Variants in HAS2 observed in about 807,000 individuals in gnomAD.
The protein encoded by HAS2 is HA synthase 2.
HAS2 carries 16 observed loss-of-function variants against 51.6 expected under a neutral mutation model. The ratio of observed to expected loss-of-function variants is 0.31; its 90% CI spans 0.21 to 0.47. The LOEUF (loss-of-function observed/expected upper bound fraction) is 0.47. Among genes scored for constraint, HAS2 ranks in the 20% least tolerant of loss-of-function variants. HAS2 has a pLI of 1.00. For missense variants in HAS2, 361 were observed against 662.6 expected, an observed-to-expected ratio of 0.54 and a Z score of 5.00; for synonymous variants, 228 against 235.5, an observed-to-expected ratio of 0.97 and a Z score of 0.29.
chr8:121,633,332 A>C (rs1349097635), intron 1 of HAS2, among the ~76,000 whole-genome samples: 1 of 152,086 alleles, frequency 6.6e-6, no homozygotes, highest in African/African-American at 2.4e-5. Flanking sequence ...TTTAGTAGAG[A>C]TGGGTTTCAC....
intron 2 of HAS2, among the ~76,000 whole-genome samples, chr8:121,626,433 A>C (rs922222312): frequency 2.6e-5 from 4 of 152,198 alleles, no homozygotes; most frequent in African/African-American, 9.7e-5. Flanking sequence ...CTCTCTCCAC[A>C]GTTAAGCAGA....
chr8:121,617,138 A>T lies in HAS2; in HGVS notation c.696T>A (p.Asp232Glu). 1 of 1,610,972 alleles carries T rather than the reference A, an allele frequency of 6.2e-7. No individual in the cohort carries two copies. Among genetic ancestry groups the T allele is most frequent in the Non-Finnish European group, 8.5e-7 (1 of 1,177,198 alleles). ...CTCCCCCAACACCTCCAACCATGGG[A>T]TCTTCTTCTAAAACTTTTACCATCT... ...SVEMVKVLEE[D>E]PMVGGVGGDV... Residue 232 changes from aspartate to glutamate, a missense_variant, in exon 3 of 4, where the codon GAT becomes GAA. By Grantham distance (45) the Asp-to-Glu change is conservative (BLOSUM62 2). This residue lies in a region of HAS2 where 49 missense variants were observed against 108.3 expected (regional missense o/e 0.45). Coordinates refer to ENST00000303924, the MANE Select transcript of HAS2 (RefSeq NM_005328.3).
intron 2 of HAS2, among the ~76,000 whole-genome samples, chr8:121,620,686 A>G (rs1812763052): frequency 6.6e-6 from 1 of 152,170 alleles, no homozygotes; most frequent in Non-Finnish European, 1.5e-5. Flanking sequence ...TAAATTGCAT[A>G]AGACCATCAC....
In HAS2 at chr8:121,614,132, A is replaced by G; in HGVS notation, c.1636T>C (p.Tyr546His). 7 of 1,614,036 alleles carry G rather than the reference A, an allele frequency of 4.3e-6. No homozygotes were observed. The highest frequency in any genetic ancestry group is 5.9e-6 in the Non-Finnish European group (7 of 1,179,912). ...KCGRRKKGQQ[Y>H]DMVLDV is the part of the protein sequence containing the mutation. ...GATCATACATCAAGCACCATGTCAT[A>G]TTGTTGTCCCTTCTTCCGCCTGCCA... The change falls in exon 4 of 4, where the codon TAT becomes CAT. Residue 546 changes from tyrosine to histidine, a missense_variant. By Grantham distance (83) the Tyr-to-His change is moderately conservative. Coordinates refer to ENST00000303924, the MANE Select transcript of HAS2 (RefSeq NM_005328.3). This position sits in a 1 kb window ranked among gnomAD's most constrained non-coding sequence, Gnocchi z 7.2.
At chr8:121,634,651 G>A (rs1340811940) in intron 1 of HAS2, among the ~76,000 whole-genome samples, 1 of 151,862 alleles carries the variant, frequency 6.6e-6, no homozygotes. Context: ...GGCAGTCAAT[G>A]TAGACTTACA....
intron 3 of HAS2, 105 bp downstream of exon 3, chr8:121,617,000 C>T (rs1161992069): frequency 1.5e-6 from 1 of 687,640 alleles, no homozygotes; most frequent in Non-Finnish European, 2.6e-6. Context: ...CAACACCTGG[C>T]ACAGAGTTAG....
chr8:121,640,445 G>GTGTGTGTGT (rs1563625799), intron 1 of HAS2, among the ~76,000 whole-genome samples: 30 of 150,936 alleles, frequency 2.0e-4, no homozygotes, highest in African/African-American at 6.1e-4. Context: ...GTGTGTGTGT[G>GTGTGTGTGT]GGAAAAAAAG....
intron 2 of HAS2, among the ~76,000 whole-genome samples, chr8:121,625,648 A>G (rs1286728075): frequency 1.3e-5 from 2 of 149,788 alleles, no homozygotes; most frequent in Admixed American, 1.3e-4. Flanking sequence ...AGCTGGGACC[A>G]GAGACATGCA....
At chr8:121,622,161 C>G (rs989409829) in intron 2 of HAS2, among the ~76,000 whole-genome samples, 2 of 151,998 alleles carry the variant, frequency 1.3e-5, no homozygotes, top group African/African-American at 4.8e-5. Flanking sequence ...AATTCTGCAT[C>G]ACCCCCCCAT....
Position 121,629,018 on chromosome 8 carries a change from C to A in HAS2, c.323G>T (p.Arg108Met), listed in dbSNP as rs780542492. ...AACTTTAATCCCAGGGTAGGTTAGC[C>A]TTTTCACAGATTGCAAACATTTCCT... ...YLRKCLQSVK[R>M]LTYPGIKVVM... Residue 108 changes from arginine (R) to methionine (M), a missense_variant, in exon 2 of 4, where the codon AGG (arginine) becomes ATG (methionine). Arg to Met is a moderately conservative substitution (Grantham distance 91). This residue lies in a region of HAS2 where 145 missense variants were observed against 217.6 expected (regional missense o/e 0.67). Transcript: ENST00000303924. 6.2e-7 allele frequency: 1 copy of A among 1,614,092 alleles called. No individual in the cohort carries two copies. The highest frequency in any genetic ancestry group is 1.7e-5 in the Admixed American group (1 of 60,012).
intron 3 of HAS2, among the ~76,000 whole-genome samples, chr8:121,615,779 C>T (rs1020474430): frequency 1.3e-4 from 20 of 152,090 alleles, no homozygotes; most frequent in African/African-American, 4.6e-4. Context: ...ATTACTTTTC[C>T]TCTCCTTTAT....
intron 2 of HAS2, among the ~76,000 whole-genome samples, chr8:121,623,964 A>G (rs1812809115): frequency 6.6e-6 from 1 of 152,226 alleles, no homozygotes; most frequent in African/African-American, 2.4e-5. Flanking sequence ...GTTGCCAGGA[A>G]CACTGAACTG....
chr8:121,627,782 A>G (rs375166989), intron 2 of HAS2, among the ~76,000 whole-genome samples: 3 of 152,166 alleles, frequency 2.0e-5, no homozygotes, highest in East Asian at 3.9e-4. Flanking sequence ...AAAGAATAGG[A>G]TGCATCTTCT....
At chr8:121,622,395 C>T (rs1219714876) in intron 2 of HAS2, among the ~76,000 whole-genome samples, 1 of 152,078 alleles carries the variant, frequency 6.6e-6, no homozygotes, top group African/African-American at 2.4e-5. Context: ...AACTCGGACT[C>T]GTTTCTTCAC....
chr8:121,620,123 A>G (rs1285862323), intron 2 of HAS2, among the ~76,000 whole-genome samples: 1 of 152,176 alleles, frequency 6.6e-6, no homozygotes, highest in East Asian at 1.9e-4. Context: ...GAAAGGGTTT[A>G]TTACCATGGG....
chr8:121,618,004 A>G (rs1812728710), intron 2 of HAS2, among the ~76,000 whole-genome samples: 1 of 125,268 alleles, frequency 8.0e-6, no homozygotes, highest in Non-Finnish European at 1.5e-5. Flanking sequence ...CTATGAGCCA[A>G]AAAAAAAAAA....
chr8:121,634,190 G>A (rs569640429), intron 1 of HAS2, among the ~76,000 whole-genome samples: 4 of 152,124 alleles, frequency 2.6e-5, no homozygotes, highest in East Asian at 2.0e-4. Flanking sequence ...TGATCCACCC[G>A]CCTCGGCCTC....
chr8:121,637,723 C>G (rs1442275632), intron 1 of HAS2, among the ~76,000 whole-genome samples: 1 of 152,186 alleles, frequency 6.6e-6, no homozygotes, highest in Non-Finnish European at 1.5e-5. Flanking sequence ...GGATAATACT[C>G]TACACAGATT....
At position 121,629,299 on chromosome 8, in the gene HAS2, T is replaced by C. The variant is rs201795597; in HGVS notation, c.42A>G (p.Gly14=). Residue 14 remains glycine (G), a synonymous_variant, in exon 2 of 4, where the codon GGA becomes GGG. Coordinates refer to ENST00000303924, the MANE Select transcript of HAS2 (RefSeq NM_005328.3). The part of the protein sequence containing the change: ...ERFLCILRII[G]TTLFGVSLLL... ...GGAGAGAGACTCCAAAGAGTGTGGT[T>C]CCAATTATTCTCAGGATACATAGAA... The C allele has an allele frequency of 2.5e-6, 4 of 1,610,970 alleles. No homozygotes were observed. In the East Asian group the frequency reaches 8.9e-5, roughly 36 times the overall value.
Sources: gnomAD v4.1 joint callset for allele counts (sites outside exome capture counted in the v4.1 genomes callset) on GRCh38, gnomAD v4.1.1 for gene constraint, gnomAD v4.1.1 regional missense constraint, Gnocchi (gnomAD v3.1) non-coding constraint, MANE v1.5 for transcripts, NCBI Gene and HGNC (gene_info 2026-07-23, HGNC 2026-07-21) for gene names.